SUPT6H: variants seen among roughly 807,000 people sequenced by gnomAD.
SUPT6H encodes the protein transcription elongation factor SPT6.
SUPT6H carries 11 observed loss-of-function variants against 222.3 expected under a neutral mutation model. The ratio of observed to expected loss-of-function variants is 0.05; its 90% confidence interval spans 0.03 to 0.08. The LOEUF is 0.08. SUPT6H is among the 10% of genes least tolerant of loss of function. The pLI is 1.00. For missense variants in SUPT6H, 1,422 were observed against 2,216.0 expected (o/e 0.64, Z 7.19); for synonymous variants, 762 against 801.2 (o/e 0.95, Z 0.83).
chr17:28,681,377 C>T lies in SUPT6H; in HGVS notation c.1471C>T (p.Arg491Cys), dbSNP rs773000575. The change falls in exon 12 of 37, where the codon CGT becomes TGT. Residue 491 changes from arginine (R) to cysteine (C), a missense_variant. By Grantham distance (180) the Arg-to-Cys change is radical (BLOSUM62 -3). Coordinates refer to ENST00000314616, the MANE Select transcript of SUPT6H (RefSeq NM_003170.5). ...AAKASRKKLK[R>C]VREEGDEEGE... is the part of the protein sequence containing the mutation. ...CAAAGCTAGCCGCAAGAAGCTGAAG[C>T]GTGTCAGGGAAGAGGGAGATGAAGA... 19 of 1,608,936 alleles carry T rather than the reference C, an allele frequency of 1.2e-5. No individual in the cohort carries two copies. In the South Asian group the frequency reaches 1.6e-4, roughly 13 times the overall value.
At chr17:28,700,055 T>C in intron 33 of SUPT6H, 118 bp from the exon 34 acceptor site, 1 of 1,484,920 alleles carries the variant, frequency 6.7e-7, no homozygotes, top group Non-Finnish European at 9.3e-7. Flanking sequence ...CTCCATCCAC[T>C]GTGCCTATGC....
chr17:28,698,480 CCTGCTCTGCCTG>C (rs151137595), intron 32 of SUPT6H, among the ~76,000 whole-genome samples: 5,593 of 152,304 alleles, frequency 0.037, 146 homozygotes, highest in Non-Finnish European at 0.055. Context: ...TGCTCTGTCT[CCTGCTCTGCCTG>C]CTGCTCTGCC....
intron 26 of SUPT6H, among the ~76,000 whole-genome samples, chr17:28,690,646 C>G (rs1317281787): frequency 6.6e-6 from 1 of 152,120 alleles, no homozygotes; most frequent in Non-Finnish European, 1.5e-5. Context: ...TGGTGGTGGG[C>G]ACCTGTAATC....
intron 27 of SUPT6H, 113 bp downstream of exon 27, chr17:28,691,176 A>G (rs974940067): frequency 2.2e-6 from 3 of 1,379,446 alleles, no homozygotes; most frequent in Non-Finnish European, 3.0e-6. Context: ...CCAAACAAGT[A>G]CACAAAGAAG....
At chr17:28,667,287 C>T (rs377641243) in intron 1 of SUPT6H, among the ~76,000 whole-genome samples, 221 of 141,750 alleles carry the variant, frequency 1.6e-3, no homozygotes, top group African/African-American at 5.7e-3. Context: ...AGGAGAATGG[C>T]GTGACCCCAG....
chr17:28,679,883 G>A lies in SUPT6H; in HGVS notation c.1349+920G>A, dbSNP rs537529828. ...CAGGCGCCTGTAATTCCAGCTACTC[G>A]GGAGGCTGAGGCAGGAGAATTGCTT... is the stretch of plus-strand genomic sequence containing the variant. On this transcript the variant is annotated intron_variant, in intron 11 of 36. Transcript: ENST00000314616. 1.8e-4 allele frequency among the ~76,000 whole-genome samples: 27 copies of A among 147,790 alleles called. No individual in the cohort carries two copies. The South Asian group carries it at 4.6e-3, about 25-fold the overall frequency.
intron 1 of SUPT6H, among the ~76,000 whole-genome samples, chr17:28,669,433 G>A (rs1221268802): frequency 6.6e-6 from 1 of 152,118 alleles, no homozygotes; most frequent in Non-Finnish European, 1.5e-5. Flanking sequence ...TCAGGTGATC[G>A]GCCTGCCTCG....
chr17:28,698,795 T>C (rs2032026072), intron 32 of SUPT6H, among the ~76,000 whole-genome samples: 1 of 152,222 alleles, frequency 6.6e-6, no homozygotes, highest in Non-Finnish European at 1.5e-5. Context: ...AGCCCTAGAC[T>C]CTGTACCGTG....
intron 2 of SUPT6H, 61 bp from the exon 3 acceptor site, chr17:28,674,222 G>A: frequency 6.3e-7 from 1 of 1,597,874 alleles, no homozygotes; most frequent in Non-Finnish European, 8.5e-7. Flanking sequence ...CATTAATCAA[G>A]TGACCCTGAA....
At chr17:28,684,750 A>G in intron 18 of SUPT6H, 25 bp downstream of exon 18, 1 of 1,613,690 alleles carries the variant, frequency 6.2e-7, no homozygotes, top group South Asian at 1.1e-5. Flanking sequence ...TTGCCTCCCC[A>G]GCACCATCTC....
At position 28,664,671 on chromosome 17, in the gene SUPT6H, C is replaced by T. The variant is rs748549743; in HGVS notation, c.-32+2329C>T. ...CCCTCTCCTCTATGTTGCAGAATCA[C>T]GCGTCAAAAATGCCTGTTTAATTAT... On this transcript the variant is annotated intron_variant, in intron 1 of 36. Coordinates refer to ENST00000314616, the MANE Select transcript of SUPT6H (RefSeq NM_003170.5). Among the ~76,000 whole-genome samples the T allele has an allele frequency of 3.9e-5, 6 of 152,310 alleles. 1 individual carries two copies. The South Asian group carries it at 6.2e-4, about 16-fold the overall frequency.
In SUPT6H at chr17:28,684,924, G is replaced by A; in HGVS notation, c.2450G>A (p.Arg817Gln). 4 of 1,614,112 alleles carry A rather than the reference G, an allele frequency of 2.5e-6. No individual in the cohort carries two copies. Among genetic ancestry groups the A allele is most frequent in the East Asian group, 2.2e-5 (1 of 44,886 alleles). Residue 817 changes from arginine to glutamine, a missense_variant, in exon 19 of 37, where the codon CGG becomes CAG. By Grantham distance (43) the Arg-to-Gln change is conservative. Transcript: ENST00000314616. Reference protein sequence around the residue: ...DFLRLPHFTKRRTAWREEERE... With the variant: ...DFLRLPHFTKQRTAWREEERE... ...CTTCGACTGCCCCATTTTACCAAAC[G>A]GCGAACTGCATGGAGAGAGGAAGAG... is the stretch of plus-strand genomic sequence containing the variant.
chr17:28,666,765 T>C (rs2030048576), intron 1 of SUPT6H, among the ~76,000 whole-genome samples: 1 of 152,096 alleles, frequency 6.6e-6, no homozygotes, highest in African/African-American at 2.4e-5. Context: ...CTGGCCAGGC[T>C]GGTCTCGAGC....
intron 27 of SUPT6H, 178 bp downstream of exon 27, chr17:28,691,241 A>T (rs2031628096): frequency 5.8e-6 from 5 of 867,748 alleles, no homozygotes; most frequent in Non-Finnish European, 8.6e-6. Context: ...GAGAAGGCTG[A>T]CATAGCTGGG....
At chr17:28,681,763 C>A in intron 12 of SUPT6H, 119 bp from the exon 13 acceptor site, 1 of 796,162 alleles carries the variant, frequency 1.3e-6, no homozygotes, top group Non-Finnish European at 2.0e-6. Flanking sequence ...CTTGACAGCC[C>A]ATGGCATCTT....
intron 6 of SUPT6H, among the ~76,000 whole-genome samples, chr17:28,675,943 G>A (rs1438118529): frequency 1.3e-5 from 2 of 152,178 alleles, no homozygotes; most frequent in Admixed American, 1.3e-4. Context: ...TCACTCGAAG[G>A]TGCCAAAGAT....
At chr17:28,694,718 G>A (rs564080436) in intron 28 of SUPT6H, among the ~76,000 whole-genome samples, 145 of 152,338 alleles carry the variant, frequency 9.5e-4, no homozygotes, top group Middle Eastern at 3.4e-3. Context: ...AGGGAAGTCA[G>A]GCCAGGCATG....
Position 28,673,458 on chromosome 17 carries a change from A to G in SUPT6H, c.57A>G (p.Glu19=). 1 of 1,614,018 alleles carries G rather than the reference A, an allele frequency of 6.2e-7. No homozygotes were observed. The highest frequency in any genetic ancestry group is 1.1e-5 in the South Asian group (1 of 91,058). ...AEESEEEYND[E]GEVVPRVTKK... ...AGTCAGAGGAAGAATACAATGATGA[A>G]GGCGAGGTGGTACCCCGAGTCACCA... Residue 19 remains glutamate, a synonymous_variant, in exon 2 of 37, where the codon GAA becomes GAG. Coordinates refer to ENST00000314616, the MANE Select transcript of SUPT6H (RefSeq NM_003170.5).
At chr17:28,662,909 TTGCCAGAGGCCTATCA>T (rs1306783394) in intron 1 of SUPT6H, among the ~76,000 whole-genome samples, 1 of 152,242 alleles carries the variant, frequency 6.6e-6, no homozygotes, top group Non-Finnish European at 1.5e-5. Context: ...CCTCAAACGT[TTGCCAGAGGCCTATCA>T]TGAACATCAA....
Sources: gnomAD v4.1 joint callset for allele counts (sites outside exome capture counted in the v4.1 genomes callset) on GRCh38, gnomAD v4.1.1 for gene constraint, MANE v1.5 for transcripts, NCBI Gene and HGNC (gene_info 2026-07-23, HGNC 2026-07-21) for gene names.